The following RAB32 variants were observed in gnomAD, a reference collection of about 807,000 sequenced individuals.
RAB32 encodes ras-related protein Rab-32.
A neutral mutation model predicts 17.5 loss-of-function variants in RAB32; 17 were observed. The observed-to-expected ratio is 0.97, with a 90% CI of 0.67 to 1.46. RAB32 has a LOEUF of 1.46. RAB32 is among the 40% of genes most tolerant of loss of function. RAB32 has a pLI of 0.00. For missense variants in RAB32, 288 were observed against 284.3 expected (o/e 1.01, Z -0.09); for synonymous variants, 115 against 111.1 (o/e 1.04, Z -0.22).
At chr6:146,546,717 A>G (rs2114782205) in intron 1 of RAB32, among the ~76,000 whole-genome samples, 1 of 152,038 alleles carries the variant, frequency 6.6e-6, no homozygotes, top group South Asian at 2.1e-4. Context: ...CTTTGATTGC[A>G]CAATAGTAGA....
intron 2 of RAB32, among the ~76,000 whole-genome samples, chr6:146,552,238 G>A (rs1202644123): frequency 1.3e-5 from 2 of 152,110 alleles, no homozygotes. Context: ...TTAACCAACT[G>A]CTTCCAAATA....
intron 1 of RAB32, among the ~76,000 whole-genome samples, chr6:146,546,768 T>G (rs951669003): frequency 1.3e-5 from 2 of 151,578 alleles, no homozygotes; most frequent in South Asian, 2.1e-4. Context: ...AGGTGTGGTG[T>G]TTTTACTAGT....
chr6:146,554,033 C>T (rs1450140619), intron 2 of RAB32, among the ~76,000 whole-genome samples: 1 of 152,004 alleles, frequency 6.6e-6, no homozygotes, highest in Non-Finnish European at 1.5e-5. Context: ...TGACATGATA[C>T]ATTTATCACA....
In RAB32 at chr6:146,549,561, A is replaced by C. The variant is rs749023679; in HGVS notation, c.348A>C (p.Ala116=). The C allele has an allele frequency of 1.9e-6, 3 of 1,614,182 alleles. No homozygotes were observed. Among genetic ancestry groups the C allele is most frequent in the Non-Finnish European group, 1.7e-6 (2 of 1,180,004 alleles). ...FDISRSSTFE[A]VLKWKSDLDS... Reference sequence around the variant, plus strand: ...TATCAAGAAGTTCCACATTTGAGGCAGTCTTAAAATGGAAAAGTGATCTGG... The same window carrying C: ...TATCAAGAAGTTCCACATTTGAGGCCGTCTTAAAATGGAAAAGTGATCTGG... Residue 116 remains alanine, a synonymous_variant, in exon 2 of 3, where the codon GCA becomes GCC. Coordinates refer to ENST00000367495, the MANE Select transcript of RAB32 (RefSeq NM_006834.5).
Position 146,544,128 on chromosome 6 carries a change from GCGGCCGCGAGTTTCC to G in RAB32, c.250+9_250+23del. The stretch of plus-strand genomic sequence containing the variant: ...CAGCTGTGGGACATCGCGGGTAAGC[GCGGCCGCGAGTTTCC>G]CACTCCAGAGCCCCGCCGGGCCGCC... On this transcript the variant is annotated splice_region_variant and intron_variant, in intron 1 of 2. Coordinates refer to ENST00000367495, the MANE Select transcript of RAB32 (RefSeq NM_006834.5). 6.2e-7 allele frequency: 1 copy of G among 1,604,960 alleles called. No individual in the cohort carries two copies. The highest frequency in any genetic ancestry group is 8.5e-7 in the Non-Finnish European group (1 of 1,175,232).
intron 2 of RAB32, among the ~76,000 whole-genome samples, chr6:146,550,668 A>T (rs759201610): frequency 4.0e-5 from 6 of 149,222 alleles, no homozygotes; most frequent in Admixed American, 6.7e-5. Context: ...AAAAAAAAAA[A>T]ATCTTAATAG....
intron 1 of RAB32, among the ~76,000 whole-genome samples, chr6:146,547,521 T>C (rs1779839040): frequency 6.6e-6 from 1 of 152,238 alleles, no homozygotes; most frequent in Non-Finnish European, 1.5e-5. Context: ...AGATATAAAC[T>C]ATATAATTTA....
intron 2 of RAB32, 86 bp from the exon 3 acceptor site, chr6:146,554,364 AACAAAT>A: frequency 7.4e-7 from 1 of 1,355,528 alleles, no homozygotes; most frequent in Non-Finnish European, 9.9e-7. Context: ...TGCCACCTCT[AACAAAT>A]TTTCCTGGTC....
intron 2 of RAB32, among the ~76,000 whole-genome samples, chr6:146,551,308 C>T (rs1779895693): frequency 6.6e-6 from 1 of 152,152 alleles, no homozygotes; most frequent in South Asian, 2.1e-4. Flanking sequence ...GAGAAAATCA[C>T]AGAAAGAAAG....
chr6:146,553,305 C>T (rs1461771308), intron 2 of RAB32, among the ~76,000 whole-genome samples: 1 of 152,142 alleles, frequency 6.6e-6, no homozygotes, highest in East Asian at 1.9e-4. Flanking sequence ...AGGATATTTA[C>T]ATATTTGCAC....
Position 146,544,102 on chromosome 6 carries a change from G to A in RAB32, c.231G>A (p.Leu77=). 1 of 1,612,486 alleles carries A rather than the reference G, an allele frequency of 6.2e-7. No homozygotes were observed. Among genetic ancestry groups the A allele is most frequent in the Non-Finnish European group, 8.5e-7 (1 of 1,179,322 alleles). The change falls in exon 1 of 3, where the codon CTG becomes CTA. Residue 77 remains leucine, a synonymous_variant. Transcript: ENST00000367495. ...GGGACAGCAGGACTCTGGTGCGCCT[G>A]CAGCTGTGGGACATCGCGGGTAAGC... ...LNWDSRTLVR[L]QLWDIAGQER... is the part of the protein sequence containing the mutation.
intron 2 of RAB32, among the ~76,000 whole-genome samples, chr6:146,553,629 A>C (rs1427972888): frequency 6.6e-6 from 1 of 152,168 alleles, no homozygotes; most frequent in African/African-American, 2.4e-5. Flanking sequence ...GGGCATTGAG[A>C]TAATTGATGC....
intron 1 of RAB32, among the ~76,000 whole-genome samples, chr6:146,544,966 G>C (rs1779802217): frequency 6.6e-6 from 1 of 152,152 alleles, no homozygotes; most frequent in African/African-American, 2.4e-5. Context: ...ACCAAGCCAA[G>C]TGCCAGTGGC....
rs1779936902 is a variant in RAB32 at position 146,554,571 on chromosome 6, C to A, written c.644C>A (p.Thr215Asn). ...DVDKIKLDQE[T>N]LRAENKSQCC ...GACAAAATTAAGCTAGATCAAGAGACCTTGAGAGCAGAGAACAAATCCCAG... is the reference window on the plus strand; with the variant it reads ...GACAAAATTAAGCTAGATCAAGAGAACTTGAGAGCAGAGAACAAATCCCAG... The change falls in exon 3 of 3, where the codon ACC (threonine) becomes AAC (asparagine). Residue 215 changes from threonine (T) to asparagine (N), a missense_variant. Physicochemically the swap from Thr to Asn is moderately conservative, Grantham distance 65 (BLOSUM62 0). Coordinates refer to ENST00000367495, the MANE Select transcript of RAB32 (RefSeq NM_006834.5). The A allele has an allele frequency of 3.7e-6, 6 of 1,613,510 alleles. No individual in the cohort carries two copies. The South Asian group carries it at 5.5e-5, about 15-fold the overall frequency.
intron 1 of RAB32, among the ~76,000 whole-genome samples, chr6:146,546,442 A>C (rs867817892): frequency 7.1e-4 from 105 of 148,754 alleles, no homozygotes; most frequent in Non-Finnish European, 1.1e-3. Context: ...CAAAAAAAAA[A>C]CAAAAAAAAC....
At chr6:146,551,069 A>C (rs1779891763) in intron 2 of RAB32, among the ~76,000 whole-genome samples, 1 of 152,192 alleles carries the variant, frequency 6.6e-6, no homozygotes, top group African/African-American at 2.4e-5. Context: ...ATAAAAGCGA[A>C]GCAATGAGAG....
At chr6:146,551,874 A>G (rs1779902668) in intron 2 of RAB32, among the ~76,000 whole-genome samples, 2 of 152,206 alleles carry the variant, frequency 1.3e-5, no homozygotes, top group Non-Finnish European at 2.9e-5. Context: ...TTCCATACAA[A>G]TATAATAGAA....
At chr6:146,549,931 G>C (rs1230843213) in intron 2 of RAB32, among the ~76,000 whole-genome samples, 190 bp downstream of exon 2, 1 of 152,208 alleles carries the variant, frequency 6.6e-6, no homozygotes, top group East Asian at 1.9e-4. Flanking sequence ...ATGGCTAATA[G>C]AAGGGCAGAT....
chr6:146,553,484 G>GAGGT (rs1447939673), intron 2 of RAB32, among the ~76,000 whole-genome samples: 1 of 152,102 alleles, frequency 6.6e-6, no homozygotes, highest in Non-Finnish European at 1.5e-5. Context: ...ATCACAGATG[G>GAGGT]AGGTATATTC....
Sources: allele counts gnomAD v4.1 joint callset (sites outside exome capture counted in the v4.1 genomes callset), GRCh38; gene constraint gnomAD v4.1.1; transcripts MANE v1.5; gene names NCBI Gene and HGNC (gene_info 2026-07-23, HGNC 2026-07-21).